Variants in FAM53A observed in about 807,000 individuals in gnomAD.
FAM53A encodes the protein protein FAM53A.
FAM53A carries 28 observed loss-of-function variants against 26.6 expected under a neutral mutation model. The observed-to-expected ratio is 1.05, with a 90% CI of 0.78 to 1.45. FAM53A has a LOEUF of 1.45. FAM53A is among the 40% of genes most tolerant of loss of function. The pLI is 0.00. For missense variants in FAM53A, 650 were observed against 575.8 expected, an observed-to-expected ratio of 1.13 and a Z score of -1.32; for synonymous variants, 290 against 253.1, an observed-to-expected ratio of 1.15 and a Z score of -1.38.
intron 4 of FAM53A, among the ~76,000 whole-genome samples, chr4:1,642,559 G>A (rs771515793): frequency 3.3e-5 from 5 of 152,144 alleles, no homozygotes; most frequent in Admixed American, 1.3e-4. Flanking sequence ...CCACCCAGGC[G>A]TGCTCTCTTG....
chr4:1,682,097 G>C (rs938829611), intron 1 of FAM53A, among the ~76,000 whole-genome samples: 2 of 152,066 alleles, frequency 1.3e-5, no homozygotes, highest in Non-Finnish European at 2.9e-5. Flanking sequence ...AGGCTCCAAG[G>C]AATCAGATTA....
intron 1 of FAM53A, among the ~76,000 whole-genome samples, chr4:1,633,262 T>C (rs968912374): frequency 1.3e-5 from 2 of 152,314 alleles, no homozygotes; most frequent in South Asian, 2.1e-4. Flanking sequence ...TTTACACCAA[T>C]GCAATAAACC....
chr4:1,589,681 T>C, the FAM53A span, among the ~76,000 whole-genome samples: 4 of 152,204 alleles, frequency 2.6e-5, no homozygotes, highest in Non-Finnish European at 5.9e-5. Flanking sequence ...AGAAATGTAT[T>C]CGTTTTATTT....
At chr4:1,631,992 G>A (rs375120495) in intron 1 of FAM53A, among the ~76,000 whole-genome samples, 4 of 151,898 alleles carry the variant, frequency 2.6e-5, no homozygotes, top group East Asian at 1.9e-4. Context: ...ATGAAACCCC[G>A]TCTCTAGTAC....
Position 1,677,507 on chromosome 4 carries a change from G to C in FAM53A, c.-165+6726C>G, listed in dbSNP as rs368052338. Among the ~76,000 whole-genome samples the C allele has an allele frequency of 2.6e-5, 4 of 152,274 alleles. No individual in the cohort carries two copies. In the South Asian group the frequency reaches 8.3e-4, roughly 32 times the overall value. On this transcript the variant is annotated intron_variant, in intron 1 of 4. Transcript: ENST00000308132. The stretch of plus-strand genomic sequence containing the variant: ...CTTATCTCTAAGCCTACATATACAG[G>C]GCTGCTTTTCATGGGGGGTTTTAAA...
rs909324921 is a variant in FAM53A, at chr4:1,641,568, C to T, written c.922G>A (p.Glu308Lys). ...GGGGTGTCATCCTCATCGTCATCTT[C>T]GTAATTGAGGGAGCAAAGGCTTTTT... ...NSKSLCSLNY[E>K]DDDEDDTPVK... The change falls in exon 5 of 5, where the codon GAA (glutamate) becomes AAA (lysine). Residue 308 changes from glutamate to lysine, a missense_variant. Transcript: ENST00000308132. The T allele has an allele frequency of 7.4e-6, 12 of 1,614,016 alleles. No homozygotes were observed. Among genetic ancestry groups the T allele is most frequent in the Admixed American group, 6.7e-5 (4 of 59,992 alleles).
intron 1 of FAM53A, among the ~76,000 whole-genome samples, chr4:1,674,893 G>C (rs1319840558): frequency 6.6e-6 from 1 of 152,182 alleles, no homozygotes; most frequent in Non-Finnish European, 1.5e-5. Flanking sequence ...GCAGTTCTGA[G>C]GCCAGTCTCC....
chr4:1,672,037 A>T (rs1404706476), intron 1 of FAM53A, among the ~76,000 whole-genome samples: 1 of 151,906 alleles, frequency 6.6e-6, no homozygotes, highest in African/African-American at 2.4e-5. Context: ...CCAGGAACCC[A>T]TGAACCTCAG....
chr4:1,623,541 T>C (rs1715146842), intron 1 of FAM53A, among the ~76,000 whole-genome samples: 1 of 152,122 alleles, frequency 6.6e-6, no homozygotes, highest in Admixed American at 6.5e-5. Flanking sequence ...CTGCCCGCCT[T>C]CCCCGGCGGC....
At chr4:1,627,500 G>C (rs1390576236) in intron 1 of FAM53A, among the ~76,000 whole-genome samples, 1 of 152,172 alleles carries the variant, frequency 6.6e-6, no homozygotes, top group Non-Finnish European at 1.5e-5. Flanking sequence ...CCAGTCCCCT[G>C]CTTGGAGCCC....
At chr4:1,621,964 A>G (rs1459089185) in intron 1 of FAM53A, among the ~76,000 whole-genome samples, 1 of 152,130 alleles carries the variant, frequency 6.6e-6, no homozygotes, top group East Asian at 1.9e-4. Flanking sequence ...GCATTCATGA[A>G]CGAATCGATG....
At chr4:1,590,971 T>C in the FAM53A span, among the ~76,000 whole-genome samples, 119 of 120,774 alleles carry the variant, frequency 9.9e-4, 6 homozygotes, top group Middle Eastern at 4.4e-3. Context: ...TATATATATA[T>C]ATATATATAT....
At chr4:1,669,262 A>C (rs1010461615) in intron 1 of FAM53A, among the ~76,000 whole-genome samples, 10 of 152,230 alleles carry the variant, frequency 6.6e-5, no homozygotes, top group African/African-American at 2.4e-4. Flanking sequence ...AGCCAGGAAC[A>C]CAGAAACTCT....
At chr4:1,623,347 G>A (rs865941401) in intron 1 of FAM53A, among the ~76,000 whole-genome samples, 12 of 151,000 alleles carry the variant, frequency 7.9e-5, no homozygotes, top group Middle Eastern at 6.8e-3. Context: ...CACCCCCACC[G>A]CAGCCCCGGG....
chr4:1,614,503 G>A (rs1459747835), downstream of FAM53A, among the ~76,000 whole-genome samples: 1 of 149,430 alleles, frequency 6.7e-6, no homozygotes, highest in East Asian at 2.0e-4. Flanking sequence ...ACGCAGAGAC[G>A]TGAGGGGGAT....
intron 4 of FAM53A, among the ~76,000 whole-genome samples, chr4:1,650,774 G>A (rs1712708220): frequency 6.6e-6 from 1 of 151,432 alleles, no homozygotes; most frequent in South Asian, 2.1e-4. Context: ...GGGATTACAG[G>A]CGTGAGCCAG....
At position 1,658,419 on chromosome 4, in the gene FAM53A, C is replaced by G. The variant is rs75292853; in HGVS notation, c.76-951G>C. On this transcript the variant is annotated intron_variant, in intron 2 of 4. Coordinates refer to ENST00000308132, the MANE Select transcript of FAM53A (RefSeq NM_001174070.3). ...GCAGCCTCAGCTGCAGCCGTCTTTG[C>G]AAACCTCACCACTTACTTACTTTTC... Among the ~76,000 whole-genome samples the G allele has an allele frequency of 6.5e-3, 987 of 152,370 alleles. 11 individuals are homozygous for G. The highest frequency in any genetic ancestry group is 0.022 in the African/African-American group (928 of 41,588).
chr4:1,606,823 T>TC, the FAM53A span, among the ~76,000 whole-genome samples: 2 of 152,196 alleles, frequency 1.3e-5, no homozygotes, highest in Non-Finnish European at 2.9e-5. Context: ...GGTGCAGCTG[T>TC]CCCAGCCCCT....
At chr4:1,666,611 T>C (rs1454150991) in intron 2 of FAM53A, among the ~76,000 whole-genome samples, 1 of 152,224 alleles carries the variant, frequency 6.6e-6, no homozygotes, top group Non-Finnish European at 1.5e-5. Context: ...GCCAAAAATG[T>C]CCTCAGAGGC....
Sources: allele counts gnomAD v4.1 joint callset (sites outside exome capture counted in the v4.1 genomes callset), GRCh38; gene constraint gnomAD v4.1.1; transcripts MANE v1.5; gene names NCBI Gene and HGNC (gene_info 2026-07-23, HGNC 2026-07-21).